SORT1: variants seen among roughly 807,000 people sequenced by gnomAD.
SORT1 encodes the protein sortilin.
A neutral mutation model predicts 101.7 loss-of-function variants in SORT1; 39 were observed. The ratio of observed to expected loss-of-function variants is 0.38; its 90% CI spans 0.30 to 0.50. The LOEUF (loss-of-function observed/expected upper bound fraction) is 0.50. Ranked by LOEUF, SORT1 falls within the 20% of genes least tolerant of loss-of-function variation. The pLI is 0.90. For synonymous variants in SORT1, 396 were observed against 393.7 expected, an observed-to-expected ratio of 1.01 and a Z score of -0.07; for missense variants, 878 against 1,040.4, an observed-to-expected ratio of 0.84 and a Z score of 2.15.
intron 10 of SORT1, 121 bp downstream of exon 10, chr1:109,340,603 T>C: frequency 3.0e-6 from 3 of 1,001,644 alleles, no homozygotes; most frequent in Non-Finnish European, 4.4e-6. Context: ...AACAAAAAAA[T>C]GTACATGGGT....
chr1:109,328,949 G>A (rs564157084), intron 11 of SORT1, among the ~76,000 whole-genome samples: 15 of 152,246 alleles, frequency 9.9e-5, no homozygotes, highest in South Asian at 4.1e-4. Flanking sequence ...TCTACTTACC[G>A]GGCTCCAGGT....
At position 109,397,809 on chromosome 1, in the gene SORT1, C is replaced by T; in HGVS notation, c.84G>A (p.Pro28=). 1.6e-6 allele frequency: 2 copies of T among 1,283,760 alleles called. No individual in the cohort carries two copies. The highest frequency in any genetic ancestry group is 2.0e-6 in the Non-Finnish European group (2 of 1,005,840). The allele number at this position is 1,283,760 out of a possible 1,614,324, so 79.5% of individuals were successfully genotyped here. Residue 28 remains proline, a synonymous_variant, in exon 1 of 20, where the codon CCG becomes CCA. Coordinates refer to ENST00000256637, the MANE Select transcript of SORT1 (RefSeq NM_002959.7). ...GCCGGTCCTGGCTGAGGGTCGACGG[C>T]GGCAGCAGCTGCAGGAGGAGGAGGA... ...LGLLLLLQLL[P]PSTLSQDRLD...
At chr1:109,353,566 G>T (rs991210375) in intron 5 of SORT1, among the ~76,000 whole-genome samples, 1 of 151,976 alleles carries the variant, frequency 6.6e-6, no homozygotes, top group Admixed American at 6.6e-5. Context: ...AAACTTTGGT[G>T]CTCAGGCTCA....
chr1:109,390,886 G>A (rs935567120), intron 1 of SORT1, among the ~76,000 whole-genome samples: 1 of 151,656 alleles, frequency 6.6e-6, no homozygotes, highest in Non-Finnish European at 1.5e-5. Flanking sequence ...GCCAGAGAAG[G>A]AACATACATA....
chr1:109,327,501 T>A lies in SORT1; in HGVS notation c.1472A>T (p.His491Leu). The change falls in exon 12 of 20, where the codon CAT (histidine) becomes CTT (leucine). Residue 491 changes from histidine (H) to leucine (L), a missense_variant and splice_region_variant. This residue lies in a region of SORT1 where 684 missense variants were observed against 894.5 expected (regional missense o/e 0.76). Transcript: ENST00000256637. ...GTGGTGAGTGGGAGGTTCCTTACCA[T>A]GAGCAATGACAATGCCTACGGCATT... ...EPNAVGIVIA[H>L]GSVGDAISVM... 1 of 1,593,170 alleles carries A rather than the reference T, an allele frequency of 6.3e-7. No homozygotes were observed. The highest frequency in any genetic ancestry group is 2.2e-5 in the East Asian group (1 of 44,578).
chr1:109,392,465 G>T, intron 1 of SORT1: 1 of 249,106 alleles, frequency 4.0e-6, no homozygotes, highest in Non-Finnish European at 6.4e-6. Context: ...AAAGAAAATA[G>T]CCATTAGAAA....
rs1400965457 is a variant in SORT1 at position 109,310,154 on chromosome 1, T to G, written c.*3889A>C. ...TCATTACCATGTACACTATACAGTT[T>G]ATATATGTATATATGTACACACACA... On this transcript the variant is annotated 3_prime_UTR_variant, in exon 20 of 20. Coordinates refer to ENST00000256637, the MANE Select transcript of SORT1 (RefSeq NM_002959.7). 1.3e-5 allele frequency: 2 copies of G among 152,670 alleles called. No individual in the cohort carries two copies. Among genetic ancestry groups the G allele is most frequent in the African/African-American group, 4.8e-5 (2 of 41,450 alleles). The allele number at this position is 152,670 out of a possible 1,614,324, so 9.5% of individuals were successfully genotyped here.
chr1:109,329,216 C>T (rs1298503769), intron 11 of SORT1, among the ~76,000 whole-genome samples: 2 of 152,158 alleles, frequency 1.3e-5, no homozygotes, highest in African/African-American at 4.8e-5. Context: ...AAAGATATTC[C>T]ACTCAAATGG....
chr1:109,339,634 A>G (rs1409046955), intron 10 of SORT1, among the ~76,000 whole-genome samples: 1 of 152,224 alleles, frequency 6.6e-6, no homozygotes, highest in African/African-American at 2.4e-5. Flanking sequence ...ATCCTTTTGT[A>G]TTGCATGTAA....
chr1:109,397,863 G>C lies in SORT1; in HGVS notation c.30C>G (p.Gly10=), dbSNP rs774618392. The C allele has an allele frequency of 1.6e-6, 2 of 1,274,468 alleles. No individual in the cohort carries two copies. The highest frequency in any genetic ancestry group is 4.0e-5 in the East Asian group (1 of 24,692). 78.9% of individuals were successfully genotyped at this position (1,274,468 alleles called of 1,614,324 possible). A position where few individuals can be genotyped will look rare whatever the true frequency, so the allele number is the denominator to read the frequency against. Residue 10 remains glycine, a synonymous_variant, in exon 1 of 20, where the codon GGC becomes GGG. Transcript: ENST00000256637. The part of the protein sequence containing the change: MERPWGAAD[G]LSRWPHGLGL... ...CGAGGCCATGGGGCCAGCGCGAGAGGCCGTCCGCAGCTCCCCAGGGCCGCT... is the reference window on the plus strand; with the variant it reads ...CGAGGCCATGGGGCCAGCGCGAGAGCCCGTCCGCAGCTCCCCAGGGCCGCT...
chr1:109,350,503 A>G (rs879337586), intron 6 of SORT1, among the ~76,000 whole-genome samples: 17 of 152,208 alleles, frequency 1.1e-4, no homozygotes, highest in Admixed American at 6.5e-4. Context: ...GGAGTCTGGA[A>G]GCTCTTTCAG....
chr1:109,372,622 CAAAA>C (rs1261241535), intron 1 of SORT1, among the ~76,000 whole-genome samples: 1 of 152,022 alleles, frequency 6.6e-6, no homozygotes, highest in Non-Finnish European at 1.5e-5. Context: ...CAAAACAAAA[CAAAA>C]ACACAGAATG....
At chr1:109,348,888 G>A (rs1025845134) in intron 6 of SORT1, among the ~76,000 whole-genome samples, 5 of 152,046 alleles carry the variant, frequency 3.3e-5, no homozygotes, top group African/African-American at 1.2e-4. Context: ...AGGATCACTT[G>A]AGCCCAGGAG....
At chr1:109,334,411 G>T (rs1356341912) in intron 11 of SORT1, among the ~76,000 whole-genome samples, 11 of 152,224 alleles carry the variant, frequency 7.2e-5, no homozygotes, top group Admixed American at 3.3e-4. Context: ...GAGGCATTAT[G>T]TTAAGTAAAA....
At chr1:109,365,402 G>A (rs557057990) in intron 3 of SORT1, among the ~76,000 whole-genome samples, 77 of 152,142 alleles carry the variant, frequency 5.1e-4, no homozygotes, top group African/African-American at 1.8e-3. Flanking sequence ...TTGTGAGGAG[G>A]GAATTTATAA....
At chr1:109,338,599 A>T (rs1649001081) in intron 10 of SORT1, among the ~76,000 whole-genome samples, 1 of 152,204 alleles carries the variant, frequency 6.6e-6, no homozygotes, top group Non-Finnish European at 1.5e-5. Context: ...CAAGAAGAGC[A>T]GGAAGTGGGT....
At chr1:109,364,630 C>T (rs1374162472) in intron 3 of SORT1, among the ~76,000 whole-genome samples, 1 of 152,086 alleles carries the variant, frequency 6.6e-6, no homozygotes, top group Non-Finnish European at 1.5e-5. Context: ...GGTCATAATG[C>T]CAGGTGTTAG....
Position 109,397,826 on chromosome 1 carries a change from G to A in SORT1, c.67C>T (p.Leu23Phe). The change falls in exon 1 of 20, where the codon CTC becomes TTC. Residue 23 changes from leucine to phenylalanine, a missense_variant. Physicochemically the swap from Leu to Phe is conservative, Grantham distance 22. This residue lies in a region of SORT1 where 194 missense variants were observed against 145.9 expected (regional missense o/e 1.33). Coordinates refer to ENST00000256637, the MANE Select transcript of SORT1 (RefSeq NM_002959.7). ...RWPHGLGLLL[L>F]LQLLPPSTLS... ...GTCGACGGCGGCAGCAGCTGCAGGA[G>A]GAGGAGGAGGCCGAGGCCATGGGGC... 1 of 1,300,888 alleles carries A rather than the reference G, an allele frequency of 7.7e-7. No homozygotes were observed. Among genetic ancestry groups the A allele is most frequent in the Non-Finnish European group, 9.9e-7 (1 of 1,014,132 alleles). 80.6% of individuals were successfully genotyped at this position (1,300,888 alleles called of 1,614,324 possible).
intron 6 of SORT1, among the ~76,000 whole-genome samples, chr1:109,348,742 C>G (rs1257148847): frequency 6.6e-6 from 1 of 152,108 alleles, no homozygotes; most frequent in Non-Finnish European, 1.5e-5. Context: ...ATCCTTCCAT[C>G]TCAGCCTCCC....
Sources: gnomAD v4.1 joint callset for allele counts (sites outside exome capture counted in the v4.1 genomes callset) on GRCh38, gnomAD v4.1.1 for gene constraint, gnomAD v4.1.1 regional missense constraint, MANE v1.5 for transcripts, NCBI Gene and HGNC (gene_info 2026-07-23, HGNC 2026-07-21) for gene names.